The following MALRD1 variants were observed in gnomAD, a reference collection of about 807,000 sequenced individuals.
The protein encoded by MALRD1 is MAM and LDL receptor class A domain containing 1, also known as MAM and LDL-receptor class A domain-containing protein 1.
A neutral mutation model predicts 242.1 loss-of-function variants in MALRD1; 247 were observed. The observed-to-expected ratio is 1.02, with a 90% CI of 0.92 to 1.13. The LOEUF is 1.13. MALRD1 is among the 50% of genes most tolerant of loss of function. MALRD1 has a pLI of 0.00. For synonymous variants in MALRD1, 995 were observed against 866.6 expected (o/e 1.15, Z -2.60); for missense variants, 2,989 against 2,533.1 (o/e 1.18, Z -3.86).
At chr10:19,442,592 T>C (rs1433682392) in intron 28 of MALRD1, among the ~76,000 whole-genome samples, 2 of 152,144 alleles carry the variant, frequency 1.3e-5, no homozygotes, top group South Asian at 4.1e-4. Flanking sequence ...GGTTTTTGTC[T>C]TTGGTTCTGT....
At chr10:19,186,236 A>T (rs1327405441) in intron 14 of MALRD1, among the ~76,000 whole-genome samples, 1 of 152,162 alleles carries the variant, frequency 6.6e-6, no homozygotes, top group Non-Finnish European at 1.5e-5. Context: ...TCAAGTTTAA[A>T]ATCTAGACAA....
At chr10:19,473,629 T>G (rs1328686222) in intron 29 of MALRD1, among the ~76,000 whole-genome samples, 1 of 152,144 alleles carries the variant, frequency 6.6e-6, no homozygotes, top group Admixed American at 6.5e-5. Flanking sequence ...CAAAGCTTAT[T>G]CTGTTGTAGC....
intron 18 of MALRD1, among the ~76,000 whole-genome samples, chr10:19,243,443 C>T (rs1047082051): frequency 6.6e-6 from 1 of 152,026 alleles, no homozygotes; most frequent in Non-Finnish European, 1.5e-5. Flanking sequence ...TTTTTACAAC[C>T]ATCCACCATA....
chr10:19,263,524 A>C (rs1293408228), intron 19 of MALRD1, among the ~76,000 whole-genome samples: 1 of 151,224 alleles, frequency 6.6e-6, no homozygotes, highest in African/African-American at 2.4e-5. Flanking sequence ...TTTGCTGTTG[A>C]GTTGTATAAG....
intron 33 of MALRD1, among the ~76,000 whole-genome samples, chr10:19,576,425 G>T (rs537593068): frequency 6.6e-6 from 1 of 152,038 alleles, no homozygotes; most frequent in Non-Finnish European, 1.5e-5. Context: ...TGCAACATTT[G>T]TGCCAAATTA....
intron 29 of MALRD1, among the ~76,000 whole-genome samples, chr10:19,485,687 T>C (rs1023445410): frequency 4.0e-5 from 6 of 151,440 alleles, no homozygotes; most frequent in Non-Finnish European, 8.8e-5. Context: ...TAGATCAGTG[T>C]AGCTTTTTAA....
intron 28 of MALRD1, among the ~76,000 whole-genome samples, chr10:19,417,277 A>G (rs2130904066): frequency 6.6e-6 from 1 of 152,264 alleles, no homozygotes; most frequent in South Asian, 2.1e-4. Flanking sequence ...CAAACTGCCT[A>G]ATCAATTGGA....
At chr10:19,361,259 G>T (rs1844886775) in intron 26 of MALRD1, among the ~76,000 whole-genome samples, 1 of 152,090 alleles carries the variant, frequency 6.6e-6, no homozygotes, top group Non-Finnish European at 1.5e-5. Flanking sequence ...AACAGAAGAG[G>T]CATTCCCTCC....
rs531305319 is a variant in MALRD1, at chr10:19,512,292, C to A, written c.5320+13646C>A. Among the ~76,000 whole-genome samples the A allele has an allele frequency of 3.6e-4, 55 of 152,256 alleles. 1 individual carries two copies. Among genetic ancestry groups the A allele is most frequent in the Admixed American group, 1.6e-3 (25 of 15,290 alleles). On this transcript the variant is annotated intron_variant, in intron 31 of 39. Transcript: ENST00000454679. Reference sequence around the variant, plus strand: ...TCATCATTTATAAGAACAGGAGATACAGGCAGCTCTATTGTTATGGGCAAA... The same window carrying A: ...TCATCATTTATAAGAACAGGAGATAAAGGCAGCTCTATTGTTATGGGCAAA...
rs199989681 is a variant in MALRD1 at position 19,365,659 on chromosome 10, TAAAA to T, written c.4441+13388_4441+13391del. 5.3e-3 allele frequency among the ~76,000 whole-genome samples: 656 copies of T among 122,868 alleles called. 6 individuals carry two copies. Among genetic ancestry groups the T allele is most frequent in the African/African-American group, 0.018 (610 of 34,378 alleles). 80.6% of individuals were successfully genotyped at this position (122,868 alleles called of 152,430 possible). ...GATAATTGACATGTTTTATAAATTC[TAAAA>T]AAAAAAAAAAAAAAAAAAAAAAAAA... On this transcript the variant is annotated intron_variant, in intron 26 of 39. Transcript: ENST00000454679.
chr10:19,287,846 G>GT (rs889183168), intron 21 of MALRD1, among the ~76,000 whole-genome samples: 8 of 152,172 alleles, frequency 5.3e-5, no homozygotes, highest in Admixed American at 6.6e-5. Flanking sequence ...TGTTCAGCTT[G>GT]TTTTTTATTA....
intron 21 of MALRD1, among the ~76,000 whole-genome samples, chr10:19,313,565 A>G (rs1842517792): frequency 6.6e-6 from 1 of 151,514 alleles, no homozygotes; most frequent in East Asian, 1.9e-4. Context: ...AAGTACCCCA[A>G]TTTGATCTTT....
rs1204834512 is a variant in MALRD1, at chr10:19,567,504, G to A, written c.5481G>A (p.Val1827=). 6.5e-7 allele frequency: 1 copy of A among 1,550,040 alleles called. No homozygotes were observed. The highest frequency in any genetic ancestry group is 8.7e-7 in the Non-Finnish European group (1 of 1,146,608). ...IDPRSMGILK[V]YTIEESGLNI... Reference sequence around the variant, plus strand: ...TTATTTTTTAATGATTTTTAAAGGTGTATACCATTGAAGAATCGGGGCTAA... The same window carrying A: ...TTATTTTTTAATGATTTTTAAAGGTATATACCATTGAAGAATCGGGGCTAA... Residue 1827 remains valine, a splice_region_variant and synonymous_variant, in exon 33 of 40, where the codon GTG becomes GTA. Coordinates refer to ENST00000454679, the MANE Select transcript of MALRD1 (RefSeq NM_001142308.3).
chr10:19,379,798 G>A (rs1244375798), intron 26 of MALRD1, among the ~76,000 whole-genome samples: 1 of 151,942 alleles, frequency 6.6e-6, no homozygotes, highest in Non-Finnish European at 1.5e-5. Context: ...AGACCAGTAT[G>A]CTTGATCATG....
intron 4 of MALRD1, among the ~76,000 whole-genome samples, chr10:19,101,955 TATATA>T (rs937625490): frequency 3.1e-5 from 4 of 128,328 alleles, no homozygotes; most frequent in Non-Finnish European, 4.8e-5. Context: ...TATCTGTATC[TATATA>T]ATATATGTTA....
At chr10:19,243,583 C>A (rs1838898448) in intron 18 of MALRD1, among the ~76,000 whole-genome samples, 1 of 151,874 alleles carries the variant, frequency 6.6e-6, no homozygotes. Flanking sequence ...CATGTTGTTA[C>A]ACATAGTTAC....
intron 32 of MALRD1, among the ~76,000 whole-genome samples, chr10:19,539,251 T>A (rs1160768555): frequency 6.6e-6 from 1 of 152,078 alleles, no homozygotes; most frequent in African/African-American, 2.4e-5. Context: ...GTAAGGCAAA[T>A]GAGATAGACA....
intron 32 of MALRD1, among the ~76,000 whole-genome samples, chr10:19,545,711 G>T (rs772362786): frequency 1.2e-4 from 19 of 152,088 alleles, no homozygotes; most frequent in Non-Finnish European, 2.4e-4. Context: ...GCTGTAATTT[G>T]CTTGGTTATC....
chr10:19,368,871 ATGTGTGTGTGTGTGTGTGTTTGTGTG>A (rs1335931059), intron 26 of MALRD1, among the ~76,000 whole-genome samples: 1 of 141,806 alleles, frequency 7.1e-6, no homozygotes, highest in East Asian at 2.1e-4. Flanking sequence ...TGATTTGTGT[ATGTGTGTGTGTGTGTGTGTTTGTGTG>A]TGTGTGTGTG....
Sources: gnomAD v4.1 joint callset for allele counts (sites outside exome capture counted in the v4.1 genomes callset) on GRCh38, gnomAD v4.1.1 for gene constraint, MANE v1.5 for transcripts, NCBI Gene and HGNC (gene_info 2026-07-23, HGNC 2026-07-21) for gene names.